RUBCNL: variants seen among roughly 807,000 people sequenced by gnomAD.
RUBCNL encodes the protein protein associated with UVRAG as autophagy enhancer.
RUBCNL carries 62 observed loss-of-function variants against 69.5 expected under a neutral mutation model. The ratio of observed to expected loss-of-function variants is 0.89; its 90% confidence interval spans 0.73 to 1.10. The LOEUF is 1.10. Among genes scored for constraint, RUBCNL ranks in the 50% least tolerant of loss-of-function variants. The pLI is 0.00. For synonymous variants in RUBCNL, 291 were observed against 303.6 expected (o/e 0.96, Z 0.43); for missense variants, 768 against 798.1 (o/e 0.96, Z 0.45).
intron 10 of RUBCNL, chr13:46,350,836 A>G (rs191676296): frequency 1.6e-4 from 25 of 153,264 alleles, no homozygotes; most frequent in African/African-American, 5.3e-4. Context: ...AGGAAGCAGC[A>G]TCATAAAGAC....
Position 46,368,094 on chromosome 13 carries a change from G to A in RUBCNL, c.774C>T (p.Thr258=). Residue 258 remains threonine (T), a synonymous_variant, in exon 5 of 15, where the codon ACC becomes ACT. Coordinates refer to ENST00000429979, the MANE Select transcript of RUBCNL (RefSeq NM_025113.5). ...DQPDSEMTFD[T]NIKQESGSST... is the part of the protein sequence containing the mutation. ...AAGACCCAGACTCTTGCTTTATGTT[G>A]GTATCAAAAGTCATTTCAGAGTCAG... is the stretch of plus-strand genomic sequence containing the variant. 1 of 1,613,822 alleles carries A rather than the reference G, an allele frequency of 6.2e-7. No homozygotes were observed. The highest frequency in any genetic ancestry group is 1.3e-5 in the African/African-American group (1 of 74,968).
At position 46,372,137 on chromosome 13, in the gene RUBCNL, G is replaced by A; in HGVS notation, c.339C>T (p.Gly113=). The part of the protein sequence containing the change: ...TLSEDTTDSV[G]SASPHGSSEK... ...CACTCGAGCCATGGGGAGAAGCGCT[G>A]CCAACGGAGTCTGTGGTATCCTCAG... is the stretch of plus-strand genomic sequence containing the variant. Residue 113 remains glycine, a synonymous_variant, in exon 3 of 15, where the codon GGC becomes GGT. Transcript: ENST00000429979. 5.0e-6 allele frequency: 8 copies of A among 1,614,026 alleles called. No homozygotes were observed. The highest frequency in any genetic ancestry group is 6.8e-6 in the Non-Finnish European group (8 of 1,179,900).
At position 46,359,367 on chromosome 13, in the gene RUBCNL, C is replaced by A. The variant is rs2048560199; in HGVS notation, c.1265+119G>T. 1.0e-5 allele frequency: 8 copies of A among 797,906 alleles called. No homozygotes were observed. In the South Asian group the frequency reaches 1.8e-4, roughly 18 times the overall value. The allele number at this position is 797,906 out of a possible 1,614,324, so 49.4% of individuals were successfully genotyped here. A position where few individuals can be genotyped will look rare whatever the true frequency, so the allele number is the denominator to read the frequency against. ...ACAGCCAACTTTCCTTTCCCTAAAA[C>A]AAATTTTCCTGTGTTCTTTAGCATA... On this transcript the variant is annotated intron_variant, in intron 9 of 14. Coordinates refer to ENST00000429979, the MANE Select transcript of RUBCNL (RefSeq NM_025113.5).
upstream of RUBCNL, chr13:46,387,394 C>G (rs1437612067): frequency 1.0e-6 from 1 of 985,428 alleles, no homozygotes; most frequent in Non-Finnish European, 1.2e-6. Context: ...CGAGACGTCG[C>G]CCAGATGGAA....
chr13:46,385,012 C>T (rs1479844607), intron 1 of RUBCNL, among the ~76,000 whole-genome samples: 1 of 152,144 alleles, frequency 6.6e-6, no homozygotes, highest in Non-Finnish European at 1.5e-5. Flanking sequence ...TTAAAACACT[C>T]GCACACACAG....
chr13:46,366,886 G>T (rs954287793), intron 5 of RUBCNL, among the ~76,000 whole-genome samples: 1 of 152,136 alleles, frequency 6.6e-6, no homozygotes, highest in African/African-American at 2.4e-5. Flanking sequence ...TAAGTCACAG[G>T]TCCTGGGGGG....
intron 2 of RUBCNL, among the ~76,000 whole-genome samples, chr13:46,372,990 T>A (rs74547897): frequency 6.6e-6 from 1 of 151,608 alleles, no homozygotes; most frequent in South Asian, 2.1e-4. Context: ...TTTTTTTTTT[T>A]AAACACAGAG....
Position 46,363,139 on chromosome 13 carries a change from C to A in RUBCNL, c.901G>T (p.Asp301Tyr), listed in dbSNP as rs190839538. Residue 301 changes from aspartate to tyrosine, a missense_variant, in exon 6 of 15, where the codon GAT (aspartate) becomes TAT (tyrosine). Transcript: ENST00000429979. ...CCTAAAATAACAAATTCATCAACAT[C>A]GCATTTGCAAATCTCTTTCACATCA... ...YHDVKEICKC[D>Y]VDEFVILELG... 2 of 1,599,202 alleles carry A rather than the reference C, an allele frequency of 1.3e-6. No homozygotes were observed. Among genetic ancestry groups the A allele is most frequent in the African/African-American group, 1.3e-5 (1 of 74,090 alleles).
At chr13:46,379,715 G>T (rs952479796) in intron 1 of RUBCNL, among the ~76,000 whole-genome samples, 1 of 152,128 alleles carries the variant, frequency 6.6e-6, no homozygotes, top group African/African-American at 2.4e-5. Context: ...TTTATGGTAC[G>T]TTACTAAGCA....
At chr13:46,389,075 G>C (rs183834142), upstream of RUBCNL, among the ~76,000 whole-genome samples, 24 of 152,284 alleles carry the variant, frequency 1.6e-4, no homozygotes, top group Admixed American at 4.6e-4. This position sits in a 1 kb window ranked among gnomAD's most constrained non-coding sequence, Gnocchi z 4.2. Flanking sequence ...GAATCAGAAA[G>C]AAAAAGGTGT....
At chr13:46,352,025 A>C (rs1171889476) in intron 10 of RUBCNL, among the ~76,000 whole-genome samples, 1 of 151,874 alleles carries the variant, frequency 6.6e-6, no homozygotes, top group Non-Finnish European at 1.5e-5. Flanking sequence ...ATGGGGTTTC[A>C]CTATGTTGGC....
chr13:46,361,321 T>G, intron 8 of RUBCNL, 120 bp downstream of exon 8: 1 of 1,032,348 alleles, frequency 9.7e-7, no homozygotes. Flanking sequence ...CTCATTCATT[T>G]TGAGTCTCCC....
intron 5 of RUBCNL, among the ~76,000 whole-genome samples, chr13:46,367,817 T>G (rs2048791065): frequency 6.6e-6 from 1 of 152,156 alleles, no homozygotes; most frequent in Non-Finnish European, 1.5e-5. Context: ...AATCATCCTT[T>G]GTCCAGCATA....
chr13:46,386,417 TTTTCC>T lies in RUBCNL; in HGVS notation c.-239+712_-239+716del, dbSNP rs1461725336. On this transcript the variant is annotated intron_variant, in intron 1 of 14. Coordinates refer to ENST00000429979, the MANE Select transcript of RUBCNL (RefSeq NM_025113.5). ...AGTAAGGGCAGCTCTTGAGTATACCTTTTCCTTTGAGTCTTAATTTTCACTCAAGG... is the reference window on the plus strand; with the variant it reads ...AGTAAGGGCAGCTCTTGAGTATACCTTTTGAGTCTTAATTTTCACTCAAGG... Among the ~76,000 whole-genome samples, 4 of 152,178 alleles carry T rather than the reference TTTTCC, an allele frequency of 2.6e-5. No homozygotes were observed. In the East Asian group the frequency reaches 7.7e-4, roughly 29 times the overall value.
At position 46,343,129 on chromosome 13, in the gene RUBCNL, T is replaced by A. The variant is rs1018987712; in HGVS notation, c.*256A>T. ...AAACATAACTATTCAAATACAAAAG[T>A]ATAAAAAACCTCTTTAAAAAACCAA... On this transcript the variant is annotated 3_prime_UTR_variant, in exon 15 of 15. Transcript: ENST00000429979. The A allele has an allele frequency of 3.5e-5, 19 of 549,262 alleles. No homozygotes were observed. The highest frequency in any genetic ancestry group is 5.0e-5 in the Non-Finnish European group (16 of 318,730). 34.0% of individuals were successfully genotyped at this position (549,262 alleles called of 1,614,324 possible). A position where few individuals can be genotyped will look rare whatever the true frequency, so the allele number is the denominator to read the frequency against.
At chr13:46,375,460 C>T (rs1266356552) in intron 2 of RUBCNL, among the ~76,000 whole-genome samples, 2 of 152,018 alleles carry the variant, frequency 1.3e-5, no homozygotes, top group African/African-American at 2.4e-5. Flanking sequence ...TTGAACCTGG[C>T]AGGCGGAGGT....
At chr13:46,355,591 C>G (rs965139740) in intron 10 of RUBCNL, among the ~76,000 whole-genome samples, 7 of 152,198 alleles carry the variant, frequency 4.6e-5, no homozygotes, top group African/African-American at 1.4e-4. Flanking sequence ...AGACACCGTG[C>G]CTGGCCCAGG....
Position 46,345,603 on chromosome 13 carries a change from G to T in RUBCNL, c.1632-3C>A. 2 of 1,612,986 alleles carry T rather than the reference G, an allele frequency of 1.2e-6. No individual in the cohort carries two copies. Among genetic ancestry groups the T allele is most frequent in the South Asian group, 2.2e-5 (2 of 90,834 alleles). The stretch of plus-strand genomic sequence containing the variant: ...CCTGCTCGAACTCCTTTAATGCACT[G>T]CCAGAGAGGAAACAAAGAGGAATTC... On this transcript the variant is annotated splice_polypyrimidine_tract_variant and splice_region_variant and intron_variant, in intron 12 of 14. Transcript: ENST00000429979.
Position 46,350,208 on chromosome 13 carries a change from G to A in RUBCNL, c.1474C>T (p.Gln492Ter). Residue 492 changes from glutamine to a stop codon, truncating the protein, a stop_gained, in exon 11 of 15, where the codon CAG becomes TAG. Coordinates refer to ENST00000429979, the MANE Select transcript of RUBCNL (RefSeq NM_025113.5). LOFTEE classifies it high-confidence loss of function. ...TGGTGCCATATGCTGTCGAGCAGCT[G>A]TTTGGAGAAATTGCTGACGTAGTAC... The part of the protein sequence containing the change: ...KKYYVSNFSK[Q>*]LLDSIWHQPI... 1.9e-6 allele frequency: 3 copies of A among 1,593,694 alleles called. No homozygotes were observed. Among genetic ancestry groups the A allele is most frequent in the Non-Finnish European group, 2.6e-6 (3 of 1,169,778 alleles).
Sources: allele counts gnomAD v4.1 joint callset (sites outside exome capture counted in the v4.1 genomes callset), GRCh38; gene constraint gnomAD v4.1.1; non-coding constraint Gnocchi (gnomAD v3.1); transcripts MANE v1.5; gene names NCBI Gene and HGNC (gene_info 2026-07-23, HGNC 2026-07-21).